The following CAP2 variants were observed in gnomAD, a reference collection of about 807,000 sequenced individuals.
CAP2 encodes cyclase associated actin cytoskeleton regulatory protein 2.
Under a neutral mutation model 57.7 loss-of-function variants are expected in CAP2, and 24 were observed. The observed-to-expected ratio is 0.42, with a 90% CI of 0.30 to 0.58. The LOEUF (loss-of-function observed/expected upper bound fraction) is 0.58. CAP2 is among the 20% of genes least tolerant of loss of function. The pLI is 0.22. For missense variants in CAP2, 501 were observed against 590.3 expected, an observed-to-expected ratio of 0.85 and a Z score of 1.57; for synonymous variants, 194 against 207.2, an observed-to-expected ratio of 0.94 and a Z score of 0.55.
At chr6:17,551,371 G>A (rs538418519) in intron 11 of CAP2, 93 bp from the exon 12 acceptor site, 49 of 1,103,544 alleles carry the variant, frequency 4.4e-5, no homozygotes, top group Non-Finnish European at 5.6e-5. Flanking sequence ...TTAAGCCCAA[G>A]CTAAAGCCAA....
At chr6:17,437,248 A>T (rs985452410) in intron 3 of CAP2, among the ~76,000 whole-genome samples, 1 of 151,990 alleles carries the variant, frequency 6.6e-6, no homozygotes, top group Non-Finnish European at 1.5e-5. Context: ...GGTGCCAAAA[A>T]GGTTGGGGAC....
chr6:17,529,651 A>AATATATATATATATATATAT (rs1554129488), intron 7 of CAP2, among the ~76,000 whole-genome samples: 1 of 134,538 alleles, frequency 7.4e-6, no homozygotes, highest in African/African-American at 2.9e-5. Flanking sequence ...AAAAAAAAAA[A>AATATATATATATATATATAT]ATATATATAT....
intron 4 of CAP2, among the ~76,000 whole-genome samples, chr6:17,499,398 C>CAAA (rs71002217): frequency 1.1e-3 from 74 of 69,282 alleles, no homozygotes; most frequent in Admixed American, 2.0e-3. Context: ...GACTCCATCT[C>CAAA]AAAAAAAAAA....
At chr6:17,430,433 T>C (rs1483577093) in intron 3 of CAP2, among the ~76,000 whole-genome samples, 1 of 152,212 alleles carries the variant, frequency 6.6e-6, no homozygotes, top group African/African-American at 2.4e-5. Flanking sequence ...ATTGGGTAAA[T>C]AGAGTTCTCA....
At chr6:17,508,629 A>G (rs142262818) in intron 6 of CAP2, among the ~76,000 whole-genome samples, 167 of 152,318 alleles carry the variant, frequency 1.1e-3, no homozygotes, top group African/African-American at 3.4e-3. Flanking sequence ...AGATGGCAGC[A>G]ACAGAAGTGA....
intron 5 of CAP2, 81 bp downstream of exon 5, chr6:17,507,393 A>AGTGCAAGGAG: frequency 7.0e-7 from 1 of 1,434,048 alleles, no homozygotes; most frequent in Non-Finnish European, 9.7e-7. Context: ...AGCTACCTTC[A>AGTGCAAGGAG]CGCTCCTTGC....
intron 3 of CAP2, among the ~76,000 whole-genome samples, chr6:17,460,206 A>G (rs1760684251): frequency 6.6e-6 from 1 of 152,240 alleles, no homozygotes; most frequent in Non-Finnish European, 1.5e-5. Flanking sequence ...ACCCAAGGAT[A>G]TTATATCCCA....
At chr6:17,521,287 C>T (rs1379214035) in intron 7 of CAP2, among the ~76,000 whole-genome samples, 1 of 151,936 alleles carries the variant, frequency 6.6e-6, no homozygotes, top group Non-Finnish European at 1.5e-5. Context: ...CACAAGGTGG[C>T]GGGTGCCTGT....
At chr6:17,509,388 A>G (rs931105964) in intron 6 of CAP2, among the ~76,000 whole-genome samples, 7 of 152,266 alleles carry the variant, frequency 4.6e-5, no homozygotes, top group Admixed American at 2.6e-4. Context: ...TTTTTACTAT[A>G]AAAAGCAGAC....
At chr6:17,398,528 C>CT (rs71536724) in intron 1 of CAP2, among the ~76,000 whole-genome samples, 37,947 of 144,482 alleles carry the variant, frequency 0.26, 4,955 homozygotes, top group South Asian at 0.35. Flanking sequence ...CGATTTTAAA[C>CT]TTTTTTTTTT....
intron 4 of CAP2, among the ~76,000 whole-genome samples, chr6:17,498,197 A>G (rs1182002007): frequency 6.6e-6 from 1 of 152,240 alleles, no homozygotes; most frequent in African/African-American, 2.4e-5. Context: ...TGAGATGGGA[A>G]TCACATCTGT....
At chr6:17,507,072 G>T in intron 4 of CAP2, 97 bp from the exon 5 acceptor site, 1 of 1,173,906 alleles carries the variant, frequency 8.5e-7, no homozygotes, top group Middle Eastern at 1.9e-4. Context: ...TTAACAGACG[G>T]CAGGTCCTGA....
chr6:17,535,085 G>A (rs2113692895), intron 7 of CAP2, among the ~76,000 whole-genome samples: 1 of 152,194 alleles, frequency 6.6e-6, no homozygotes, highest in African/African-American at 2.4e-5. Context: ...GGTTCCAGAG[G>A]TGCTGTAGGA....
intron 9 of CAP2, among the ~76,000 whole-genome samples, 182 bp downstream of exon 9, chr6:17,541,330 G>A (rs909960628): frequency 4.6e-5 from 7 of 151,888 alleles, no homozygotes; most frequent in Non-Finnish European, 1.0e-4. Context: ...TGTAATGATC[G>A]GCACTTTGGG....
intron 7 of CAP2, among the ~76,000 whole-genome samples, chr6:17,514,915 G>C (rs534890798): frequency 6.6e-6 from 1 of 151,988 alleles, no homozygotes; most frequent in Non-Finnish European, 1.5e-5. Flanking sequence ...AAGAAATTGC[G>C]TGATAGAGGC....
chr6:17,419,868 T>C (rs551565232), intron 1 of CAP2, among the ~76,000 whole-genome samples: 1 of 151,694 alleles, frequency 6.6e-6, no homozygotes, highest in East Asian at 1.9e-4. Context: ...ATTTTTATTA[T>C]TTTATTTTAT....
intron 1 of CAP2, among the ~76,000 whole-genome samples, chr6:17,419,680 C>T (rs377377115): frequency 6.6e-6 from 1 of 151,814 alleles, no homozygotes. Flanking sequence ...ATACCCTGCC[C>T]CCTCGCCATT....
In CAP2 at chr6:17,541,184, T is replaced by C. The variant is rs762266677; in HGVS notation, c.1002+36T>C. On this transcript the variant is annotated intron_variant, in intron 9 of 12. Coordinates refer to ENST00000229922, the MANE Select transcript of CAP2 (RefSeq NM_006366.3). ...CATTTTAACCTTTATTTTCCTGACA[T>C]GCGCCAATGAAAGGACCAACAGCCA... The C allele has an allele frequency of 4.5e-6, 7 of 1,541,156 alleles. No individual in the cohort carries two copies. The East Asian group carries it at 9.0e-5, about 20-fold the overall frequency.
chr6:17,460,551 C>T (rs1212940684), intron 3 of CAP2, among the ~76,000 whole-genome samples: 1 of 152,182 alleles, frequency 6.6e-6, no homozygotes. Flanking sequence ...TCTTTCCCAG[C>T]AAGAAGTCAG....
Sources: allele counts gnomAD v4.1 joint callset (sites outside exome capture counted in the v4.1 genomes callset), GRCh38; gene constraint gnomAD v4.1.1; transcripts MANE v1.5; gene names NCBI Gene and HGNC (gene_info 2026-07-23, HGNC 2026-07-21).